Variants in FAM131C observed in about 807,000 individuals in gnomAD.
FAM131C encodes the protein protein FAM131C.
FAM131C carries 14 observed loss-of-function variants against 29.8 expected under a neutral mutation model. That is an observed-to-expected ratio of 0.47 (90% CI 0.31 to 0.73). The LOEUF is 0.73. FAM131C is among the 30% of genes least tolerant of loss of function. The pLI, the probability that FAM131C is intolerant of heterozygous loss-of-function variation, is 0.05. For synonymous variants in FAM131C, 86 were observed against 157.8 expected, an observed-to-expected ratio of 0.54 and a Z score of 3.41; for missense variants, 252 against 383.8, an observed-to-expected ratio of 0.66 and a Z score of 2.87.
intron 6 of FAM131C, 107 bp from the exon 7 acceptor site, chr1:16,058,824 A>T: frequency 9.1e-7 from 1 of 1,100,164 alleles, no homozygotes; most frequent in Non-Finnish European, 1.3e-6. Flanking sequence ...CTCCAAATCC[A>T]GCTATGTGAC....
chr1:16,063,018 G>A (rs189415865), intron 2 of FAM131C, among the ~76,000 whole-genome samples: 5,661 of 151,928 alleles, frequency 0.037, 86 homozygotes, highest in Middle Eastern at 0.058. Context: ...GAGCAAGGGC[G>A]GAAATTATGC....
At chr1:16,071,269 T>A (rs1185255432) in intron 1 of FAM131C, among the ~76,000 whole-genome samples, 1 of 152,248 alleles carries the variant, frequency 6.6e-6, no homozygotes, top group African/African-American at 2.4e-5. Context: ...GTGCAGAGAC[T>A]GAGGCCCTAG....
intron 1 of FAM131C, among the ~76,000 whole-genome samples, chr1:16,065,906 CT>C (rs1553129648): frequency 5.4e-5 from 8 of 148,768 alleles, no homozygotes; most frequent in Middle Eastern, 3.5e-3. Context: ...GTTTTCTTTT[CT>C]TTTTTTTTTG....
At chr1:16,068,518 G>A (rs766632460) in intron 1 of FAM131C, among the ~76,000 whole-genome samples, 1 of 152,254 alleles carries the variant, frequency 6.6e-6, no homozygotes, top group Non-Finnish European at 1.5e-5. Context: ...AAGCCCTTGA[G>A]GGTGAGTCCT....
intron 1 of FAM131C, among the ~76,000 whole-genome samples, chr1:16,070,312 G>T (rs1219329042): frequency 6.6e-6 from 1 of 152,300 alleles, no homozygotes; most frequent in African/African-American, 2.4e-5. Flanking sequence ...GATAATGAAT[G>T]CAAAATAGCT....
intron 1 of FAM131C, 47 bp downstream of exon 1, chr1:16,073,374 C>T (rs2124139239): frequency 9.0e-7 from 1 of 1,105,158 alleles, no homozygotes; most frequent in Non-Finnish European, 1.1e-6. Flanking sequence ...GGGGACTGCG[C>T]GGGTCCCCGG....
chr1:16,073,448 G>A lies in FAM131C; in HGVS notation c.-6C>T. Reference sequence around the variant, plus strand: ...CGCGACACGCAGGAGCCCATCACGGGGCCGCGGGGCCGGGCCGCTGCGCCC... The same window carrying A: ...CGCGACACGCAGGAGCCCATCACGGAGCCGCGGGGCCGGGCCGCTGCGCCC... On this transcript the variant is annotated 5_prime_UTR_variant, in exon 1 of 7. Transcript: ENST00000375662. 1.7e-6 allele frequency: 2 copies of A among 1,207,438 alleles called. No homozygotes were observed. The highest frequency in any genetic ancestry group is 2.1e-6 in the Non-Finnish European group (2 of 971,920). The allele number at this position is 1,207,438 out of a possible 1,614,324, so 74.8% of individuals were successfully genotyped here.
Position 16,058,734 on chromosome 1 carries a change from G to T in FAM131C, c.563-17C>A, listed in dbSNP as rs1417253424. Reference sequence around the variant, plus strand: ...TCTCCAGATCTGGAAAAGCAAGGGGGTGATGGGGGAATGGCGTCCCAGATC... The same window carrying T: ...TCTCCAGATCTGGAAAAGCAAGGGGTTGATGGGGGAATGGCGTCCCAGATC... On this transcript the variant is annotated splice_polypyrimidine_tract_variant and intron_variant, in intron 6 of 6. Transcript: ENST00000375662. 4 of 1,569,766 alleles carry T rather than the reference G, an allele frequency of 2.5e-6. No homozygotes were observed. The highest frequency in any genetic ancestry group is 3.4e-6 in the Non-Finnish European group (4 of 1,159,612).
At chr1:16,072,395 A>G (rs1320849523) in intron 1 of FAM131C, among the ~76,000 whole-genome samples, 1 of 152,062 alleles carries the variant, frequency 6.6e-6, no homozygotes, top group Non-Finnish European at 1.5e-5. Flanking sequence ...GGTCCCCTCT[A>G]TTCTGGGTAA....
At chr1:16,064,782 C>T (rs572686896) in intron 1 of FAM131C, among the ~76,000 whole-genome samples, 2 of 152,356 alleles carry the variant, frequency 1.3e-5, no homozygotes, top group South Asian at 4.1e-4. Context: ...TTCTCCTCCA[C>T]CCATTCCAAG....
chr1:16,061,207 T>G (rs772483971), intron 4 of FAM131C, among the ~76,000 whole-genome samples: 1 of 151,824 alleles, frequency 6.6e-6, no homozygotes, highest in African/African-American at 2.4e-5. Flanking sequence ...ACCCACTAAG[T>G]TGGGGAGTGT....
intron 6 of FAM131C, 118 bp from the exon 7 acceptor site, chr1:16,058,835 G>T (rs3978476): frequency 0.73 from 675,501 of 929,196 alleles, 231,639 homozygotes; most frequent in East Asian, 0.83. Context: ...GCTATGTGAC[G>T]GCCGAGCCTT....
chr1:16,059,968 C>T lies in FAM131C; in HGVS notation c.352G>A (p.Gly118Ser). The change falls in exon 5 of 7, where the codon GGC (glycine) becomes AGC (serine). Residue 118 changes from glycine to serine, a missense_variant. Gly to Ser is a moderately conservative substitution (Grantham distance 56, BLOSUM62 0). This residue lies in a region of FAM131C where 52 missense variants were observed against 105.9 expected (regional missense o/e 0.49). Coordinates refer to ENST00000375662, the MANE Select transcript of FAM131C (RefSeq NM_182623.3). ...GRVAHLIEWKGWSAQPAGWEL... is the reference protein window; with the variant it reads ...GRVAHLIEWKSWSAQPAGWEL... ...CAGCCTGCCGGCTGGGCACTCCAGC[C>T]CTTCCACTCGATGAGGTGGGCCACG... 1 of 1,576,804 alleles carries T rather than the reference C, an allele frequency of 6.3e-7. No individual in the cohort carries two copies. Among genetic ancestry groups the T allele is most frequent in the Non-Finnish European group, 8.6e-7 (1 of 1,159,836 alleles).
chr1:16,061,725 T>C lies in FAM131C; in HGVS notation c.268+374A>G, dbSNP rs542372793. ...CTCCCCCGCTGCCTGCTGGCTTCTC[T>C]TGAGGGCCATTCCCCAGGGAATCAC... is the stretch of plus-strand genomic sequence containing the variant. On this transcript the variant is annotated intron_variant, in intron 4 of 6. Transcript: ENST00000375662. Among the ~76,000 whole-genome samples, 3 of 151,994 alleles carry C rather than the reference T, an allele frequency of 2.0e-5. No homozygotes were observed. In the South Asian group the frequency reaches 6.3e-4, roughly 32 times the overall value.
At chr1:16,071,116 T>C (rs1275668756) in intron 1 of FAM131C, among the ~76,000 whole-genome samples, 2 of 152,214 alleles carry the variant, frequency 1.3e-5, no homozygotes, top group Admixed American at 6.5e-5. Context: ...CTACCTGGCC[T>C]AGGAGGCACT....
chr1:16,062,630 C>T (rs1433746164), intron 2 of FAM131C, 96 bp from the exon 3 acceptor site: 20 of 1,493,998 alleles, frequency 1.3e-5, no homozygotes, highest in South Asian at 1.2e-4. Context: ...TGGGGGTCAG[C>T]CTTCTTCTGG....
chr1:16,066,930 G>A (rs1008929867), intron 1 of FAM131C, among the ~76,000 whole-genome samples: 1 of 152,210 alleles, frequency 6.6e-6, no homozygotes, highest in Admixed American at 6.5e-5. Context: ...GAACTTGAGA[G>A]GTGTTAGGGT....
At chr1:16,070,155 C>G (rs1398332504) in intron 1 of FAM131C, among the ~76,000 whole-genome samples, 4 of 152,188 alleles carry the variant, frequency 2.6e-5, no homozygotes, top group Non-Finnish European at 5.9e-5. Flanking sequence ...CTCTCCATGC[C>G]CTGGCCATGT....
chr1:16,059,568 A>C lies in FAM131C; in HGVS notation c.488T>G (p.Leu163Arg), dbSNP rs1476427215. ...TTCGTCCAGCGAGGACCAAGCGCTC[A>C]GTGTGGCCTCTGTGATGGCAAACTG... Reference protein sequence around the residue: ...AEQFAITEATLSAWSSLDEEE... With the variant: ...AEQFAITEATRSAWSSLDEEE... The change falls in exon 6 of 7, where the codon CTG (leucine) becomes CGG (arginine). Residue 163 changes from leucine to arginine, a missense_variant. By Grantham distance (102) the Leu-to-Arg change is moderately radical (BLOSUM62 -2). Coordinates refer to ENST00000375662, the MANE Select transcript of FAM131C (RefSeq NM_182623.3). The C allele has an allele frequency of 1.2e-6, 2 of 1,604,054 alleles. No homozygotes were observed. Among genetic ancestry groups the C allele is most frequent in the Non-Finnish European group, 1.7e-6 (2 of 1,174,018 alleles).
Sources: allele counts gnomAD v4.1 joint callset (sites outside exome capture counted in the v4.1 genomes callset), GRCh38; gene constraint gnomAD v4.1.1; regional missense constraint gnomAD v4.1.1; transcripts MANE v1.5; gene names NCBI Gene and HGNC (gene_info 2026-07-23, HGNC 2026-07-21).